RNF213: variants seen among roughly 807,000 people sequenced by gnomAD.
RNF213 encodes ring finger protein 213, also known as E3 ubiquitin-protein ligase RNF213.
In RNF213, 341 loss-of-function variants were observed where a neutral mutation model predicts 514.4. That is an observed-to-expected ratio of 0.66 (90% CI 0.61 to 0.73). The LOEUF is 0.73. RNF213 is among the 30% of genes least tolerant of loss of function. The probability of loss-of-function intolerance (pLI) is 0.00; values close to 1 mark genes in which losing one functional copy is unlikely to be tolerated. For synonymous variants in RNF213, 2,655 were observed against 2,658.2 expected, an observed-to-expected ratio of 1.00 and a Z score of 0.04; for missense variants, 5,767 against 6,615.6, an observed-to-expected ratio of 0.87 and a Z score of 4.45.
At chr17:80,330,707 G>GC (rs1474543186) in intron 20 of RNF213, among the ~76,000 whole-genome samples, 4 of 152,204 alleles carry the variant, frequency 2.6e-5, no homozygotes, top group Non-Finnish European at 2.9e-5. Context: ...CAATCCACAC[G>GC]CCCCCCTGCG....
intron 11 of RNF213, among the ~76,000 whole-genome samples, chr17:80,303,604 C>T (rs1254768244): frequency 2.7e-5 from 4 of 149,450 alleles, no homozygotes; most frequent in African/African-American, 9.9e-5. Flanking sequence ...TGCTCTGTCG[C>T]CCAGGCTGGA....
At chr17:80,276,155 CA>C (rs2145179291) in intron 3 of RNF213, among the ~76,000 whole-genome samples, 1 of 151,920 alleles carries the variant, frequency 6.6e-6, no homozygotes, top group African/African-American at 2.4e-5. Context: ...AGCTAGGGTG[CA>C]ATGGCGTGAC....
chr17:80,374,392 C>T (rs956719725), intron 49 of RNF213, 66 bp from the exon 50 acceptor site: 27 of 1,603,374 alleles, frequency 1.7e-5, no homozygotes, highest in South Asian at 3.3e-5. Context: ...TTCCTGTACC[C>T]GTTCAGACGG....
rs565561520 is a variant in RNF213, at chr17:80,344,859, A to G, written c.6524A>G (p.Asn2175Ser). The G allele has an allele frequency of 6.2e-6, 10 of 1,614,156 alleles. No homozygotes were observed. The highest frequency in any genetic ancestry group is 4.0e-5 in the African/African-American group (3 of 75,022). Residue 2175 changes from asparagine to serine, a missense_variant, in exon 29 of 68, where the codon AAT (asparagine) becomes AGT (serine). Transcript: ENST00000582970. Reference sequence around the variant, plus strand: ...CCTTACCAGTATTTAAGACGATTCAATCAAAACCAAGACCTAGACACGTTT... The same window carrying G: ...CCTTACCAGTATTTAAGACGATTCAGTCAAAACCAAGACCTAGACACGTTT... Reference protein sequence around the residue: ...QRPYQYLRRFNQNQDLDTFQY... With the variant: ...QRPYQYLRRFSQNQDLDTFQY...
intron 29 of RNF213, among the ~76,000 whole-genome samples, chr17:80,349,549 C>T (rs991674177): frequency 2.6e-5 from 4 of 152,170 alleles, no homozygotes; most frequent in Non-Finnish European, 5.9e-5. Flanking sequence ...ACCCTCGGGG[C>T]AGGGTGGGGT....
chr17:80,318,364 G>C (rs1431742075), intron 16 of RNF213, among the ~76,000 whole-genome samples: 2 of 152,122 alleles, frequency 1.3e-5, no homozygotes, highest in South Asian at 2.1e-4. Context: ...GCCCCTGTCT[G>C]CGTAGGATTT....
In RNF213 at chr17:80,332,090, C is replaced by A; in HGVS notation, c.3602C>A (p.Thr1201Asn). 1 of 1,537,202 alleles carries A rather than the reference C, an allele frequency of 6.5e-7. No individual in the cohort carries two copies. The highest frequency in any genetic ancestry group is 8.7e-7 in the Non-Finnish European group (1 of 1,146,920). Reference protein sequence around the residue: ...LNDTVTVRLSTSSNSQRATHY... With the variant: ...LNDTVTVRLSNSSNSQRATHY... The stretch of plus-strand genomic sequence containing the variant: ...GACACCGTGACAGTGAGACTGTCCA[C>A]CTCCTCGAACTCGCAGAGGGCAACG... Residue 1201 changes from threonine to asparagine, a missense_variant, in exon 21 of 68, where the codon ACC becomes AAC. Thr to Asn is a moderately conservative substitution (Grantham distance 65). Transcript: ENST00000582970.
At position 80,339,356 on chromosome 17, in the gene RNF213, T is replaced by TA; in HGVS notation, c.4992dup (p.Glu1665ArgfsTer7). ...TTGGCTTGGACCTGGTGACGGAGCT[T>TA]AAAGAAGGTGGAGATGTCACTGAGC... On this transcript the variant is annotated frameshift_variant, in exon 26 of 68. Coordinates refer to ENST00000582970, the MANE Select transcript of RNF213 (RefSeq NM_001256071.3). LOFTEE classifies it high-confidence loss of function. 6.5e-7 allele frequency: 1 copy of TA among 1,537,174 alleles called. No homozygotes were observed.
In RNF213 at chr17:80,306,237, A is replaced by G. The variant is rs200091899; in HGVS notation, c.2211-15A>G. 14 of 1,612,626 alleles carry G rather than the reference A, an allele frequency of 8.7e-6. No homozygotes were observed. The highest frequency in any genetic ancestry group is 8.0e-5 in the African/African-American group (6 of 74,910). ...CACTGCGTCTCTTTTCTCCGTCCCT[A>G]TTTCTCTTATGCAGGAGTTCCCTAC... On this transcript the variant is annotated splice_polypyrimidine_tract_variant and intron_variant, in intron 11 of 67. Coordinates refer to ENST00000582970, the MANE Select transcript of RNF213 (RefSeq NM_001256071.3).
intron 60 of RNF213, 65 bp from the exon 61 acceptor site, chr17:80,385,473 A>G (rs1378421767): frequency 7.4e-7 from 1 of 1,349,870 alleles, no homozygotes; most frequent in Non-Finnish European, 1.1e-6. Flanking sequence ...GCATGTAACT[A>G]GGGTGGTTTG....
intron 31 of RNF213, 63 bp from the exon 32 acceptor site, chr17:80,351,622 T>G: frequency 1.1e-6 from 1 of 910,928 alleles, no homozygotes; most frequent in Non-Finnish European, 1.8e-6. Context: ...CTTTGTTTAT[T>G]TGCTTGTTTT....
intron 13 of RNF213, 124 bp downstream of exon 13, chr17:80,307,325 GC>G (rs1392564840): frequency 8.0e-6 from 6 of 748,750 alleles, no homozygotes; most frequent in African/African-American, 3.7e-5. Context: ...TTAATATGTG[GC>G]CCACTTCTCT....
At chr17:80,307,362 G>GTTTTTT (rs58826434) in intron 13 of RNF213, among the ~76,000 whole-genome samples, 161 bp downstream of exon 13, 5 of 113,704 alleles carry the variant, frequency 4.4e-5, no homozygotes, top group South Asian at 3.0e-4. Flanking sequence ...ATTGTCGTCT[G>GTTTTTT]TTTTTTTTTT....
At chr17:80,366,974 G>A (rs1402799121) in intron 42 of RNF213, among the ~76,000 whole-genome samples, 2 of 152,166 alleles carry the variant, frequency 1.3e-5, no homozygotes, top group Non-Finnish European at 2.9e-5. Flanking sequence ...CTATATCCTA[G>A]AGAAACTTCT....
chr17:80,370,333 G>T lies in RNF213; in HGVS notation c.12425+466G>T, dbSNP rs184941086. Among the ~76,000 whole-genome samples, 207 of 152,358 alleles carry T rather than the reference G, an allele frequency of 1.4e-3. 1 individual carries two copies. The highest frequency in any genetic ancestry group is 4.7e-3 in the African/African-American group (195 of 41,586). ...AAGAATAGTATCACCTGTGGTACTT[G>T]TATGGATCTAATATTGCAGTTCTCA... On this transcript the variant is annotated intron_variant, in intron 46 of 67. Coordinates refer to ENST00000582970, the MANE Select transcript of RNF213 (RefSeq NM_001256071.3).
Position 80,350,321 on chromosome 17 carries a change from C to A in RNF213, c.10109C>A (p.Ala3370Asp). The change falls in exon 31 of 68, where the codon GCC becomes GAC. Residue 3370 changes from alanine (A) to aspartate (D), a missense_variant. Ala to Asp is a moderately radical substitution (Grantham distance 126, BLOSUM62 -2). Around this residue, in one of 13 missense-constraint regions of RNF213, gnomAD observed 919 missense variants for 1,121.0 expected, o/e 0.82. Coordinates refer to ENST00000582970, the MANE Select transcript of RNF213 (RefSeq NM_001256071.3). ...KEVRNCLTNTAKCKILIFQTD... is the reference protein window; with the variant it reads ...KEVRNCLTNTDKCKILIFQTD... ...TTCAGAAACTGTTTAACGAATACAG[C>A]CAAATGTAAAATCCTCATTTTTCAG... is the stretch of plus-strand genomic sequence containing the variant. The A allele has an allele frequency of 6.2e-7, 1 of 1,608,068 alleles. No homozygotes were observed. Among genetic ancestry groups the A allele is most frequent in the Non-Finnish European group, 8.5e-7 (1 of 1,174,596 alleles).
At position 80,353,608 on chromosome 17, in the gene RNF213, T is replaced by C. The variant is rs149899560; in HGVS notation, c.10520T>C (p.Met3507Thr). 3 of 1,613,996 alleles carry C rather than the reference T, an allele frequency of 1.9e-6. No individual in the cohort carries two copies. The highest frequency in any genetic ancestry group is 1.3e-5 in the African/African-American group (1 of 74,898). The change falls in exon 34 of 68, where the codon ATG (methionine) becomes ACG (threonine). Residue 3507 changes from methionine (M) to threonine (T), a missense_variant. By Grantham distance (81) the Met-to-Thr change is moderately conservative. Coordinates refer to ENST00000582970, the MANE Select transcript of RNF213 (RefSeq NM_001256071.3). This position sits in a 1 kb window ranked among gnomAD's most constrained non-coding sequence, Gnocchi z 5.0. ...GTGGCAGAGGTGGCAGAGGAGGCCA[T>C]GGAAACAGAAAGTTCTGAGAAGGTG... The part of the protein sequence containing the change: ...GEVAEVAEEA[M>T]ETESSEKVGK...
chr17:80,388,584 TAAA>T (rs920853586), intron 63 of RNF213, 25 bp from the exon 64 acceptor site: 2 of 1,513,210 alleles, frequency 1.3e-6, no homozygotes, highest in Non-Finnish European at 1.8e-6. Flanking sequence ...GATTTAATTT[TAAA>T]AAACTTTTTT....
Position 80,350,808 on chromosome 17 carries a change from A to C in RNF213, c.10184+412A>C, listed in dbSNP as rs932163919. Among the ~76,000 whole-genome samples the C allele has an allele frequency of 5.9e-5, 9 of 152,352 alleles. No individual in the cohort carries two copies. In the East Asian group the frequency reaches 9.6e-4, roughly 16 times the overall value. Reference sequence around the variant, plus strand: ...AGCAAGAGCCTGTCCTCCCCACAAAAAAGGTGAAATGCGAGAGGTGTAAAT... The same window carrying C: ...AGCAAGAGCCTGTCCTCCCCACAAACAAGGTGAAATGCGAGAGGTGTAAAT... On this transcript the variant is annotated intron_variant, in intron 31 of 67. Transcript: ENST00000582970.
Sources: gnomAD v4.1 joint callset for allele counts (sites outside exome capture counted in the v4.1 genomes callset) on GRCh38, gnomAD v4.1.1 for gene constraint, gnomAD v4.1.1 regional missense constraint, Gnocchi (gnomAD v3.1) non-coding constraint, MANE v1.5 for transcripts, NCBI Gene and HGNC (gene_info 2026-07-23, HGNC 2026-07-21) for gene names.